The following TNFRSF19 variants were observed in gnomAD, a reference collection of about 807,000 sequenced individuals.
The protein encoded by TNFRSF19 is tumor necrosis factor receptor superfamily member 19.
TNFRSF19 carries 27 observed loss-of-function variants against 46.4 expected under a neutral mutation model. The observed-to-expected ratio is 0.58, with a 90% CI of 0.43 to 0.80. The LOEUF (loss-of-function observed/expected upper bound fraction) is 0.80. TNFRSF19 is among the 30% of genes least tolerant of loss of function. The pLI is 0.00. For synonymous variants in TNFRSF19, 204 were observed against 205.0 expected, an observed-to-expected ratio of 1.00 and a Z score of 0.04; for missense variants, 511 against 530.8, an observed-to-expected ratio of 0.96 and a Z score of 0.37.
At chr13:23,611,536 G>A (rs1027395941) in intron 3 of TNFRSF19, among the ~76,000 whole-genome samples, 21 of 152,236 alleles carry the variant, frequency 1.4e-4, no homozygotes, top group African/African-American at 4.1e-4. Context: ...TGGGAAACTG[G>A]GCTCTTGAGG....
At chr13:23,588,253 T>C (rs1390522297) in intron 1 of TNFRSF19, among the ~76,000 whole-genome samples, 1 of 152,128 alleles carries the variant, frequency 6.6e-6, no homozygotes, top group Non-Finnish European at 1.5e-5. Flanking sequence ...GTTGCACAGC[T>C]CATAAGTAGT....
Position 23,673,448 on chromosome 13 carries a change from T to A in TNFRSF19, c.*68T>A, listed in dbSNP as rs1951787178. The A allele has an allele frequency of 6.4e-7, 1 of 1,558,244 alleles. No individual in the cohort carries two copies. The highest frequency in any genetic ancestry group is 2.3e-5 in the East Asian group (1 of 43,224). On this transcript the variant is annotated 3_prime_UTR_variant, in exon 10 of 10. Coordinates refer to ENST00000248484, the MANE Select transcript of TNFRSF19 (RefSeq NM_148957.4). Reference sequence around the variant, plus strand: ...AAAGAGTACTCCTTTGTTAGGCTTATGGACTGAGCAGTCTGGACCTTGCAT... The same window carrying A: ...AAAGAGTACTCCTTTGTTAGGCTTAAGGACTGAGCAGTCTGGACCTTGCAT...
chr13:23,578,500 A>T (rs533812548), intron 1 of TNFRSF19, among the ~76,000 whole-genome samples: 1 of 152,304 alleles, frequency 6.6e-6, no homozygotes, highest in African/African-American at 2.4e-5. Context: ...CATTCAACAA[A>T]TACTGATGGA....
intron 5 of TNFRSF19, among the ~76,000 whole-genome samples, chr13:23,649,247 C>T (rs1465131713): frequency 3.9e-5 from 6 of 152,134 alleles, no homozygotes; most frequent in Admixed American, 6.6e-5. Flanking sequence ...GATTCAATCT[C>T]TTCGGTTATA....
intron 5 of TNFRSF19, among the ~76,000 whole-genome samples, chr13:23,644,760 G>A (rs1177865391): frequency 6.6e-6 from 1 of 152,186 alleles, no homozygotes; most frequent in African/African-American, 2.4e-5. Context: ...AACACAGACG[G>A]TAGGAAATAG....
At chr13:23,596,288 A>G (rs1879717209) in intron 3 of TNFRSF19, among the ~76,000 whole-genome samples, 1 of 151,934 alleles carries the variant, frequency 6.6e-6, no homozygotes, top group Admixed American at 6.6e-5. Context: ...GGCTAAATAC[A>G]CCAATTAGAC....
intron 5 of TNFRSF19, among the ~76,000 whole-genome samples, chr13:23,637,064 C>T (rs1395802925): frequency 6.6e-6 from 1 of 151,904 alleles, no homozygotes; most frequent in Admixed American, 6.6e-5. Context: ...TTCCTAAACC[C>T]AAGTGAAACA....
At chr13:23,655,738 GC>G (rs11335098) in intron 5 of TNFRSF19, among the ~76,000 whole-genome samples, 132,919 of 150,032 alleles carry the variant, frequency 0.89, 59,494 homozygotes, top group South Asian at 0.98. Flanking sequence ...GTATAAATCT[GC>G]CCCCCCCCCT....
At chr13:23,613,944 GCT>G (rs562498134) in intron 3 of TNFRSF19, among the ~76,000 whole-genome samples, 66 of 152,330 alleles carry the variant, frequency 4.3e-4, no homozygotes, top group African/African-American at 1.3e-3. Context: ...AGTAATGGAT[GCT>G]TTTTGCAAAA....
At chr13:23,670,713 C>T (rs1951747713) in intron 9 of TNFRSF19, among the ~76,000 whole-genome samples, 1 of 152,192 alleles carries the variant, frequency 6.6e-6, no homozygotes, top group African/African-American at 2.4e-5. Flanking sequence ...TCCTTCAAAG[C>T]AGAGAGCGTC....
chr13:23,604,662 C>T (rs904401033), intron 3 of TNFRSF19, among the ~76,000 whole-genome samples: 4 of 152,120 alleles, frequency 2.6e-5, no homozygotes, highest in African/African-American at 9.7e-5. Flanking sequence ...ACAAACCAAT[C>T]AGTGGAACAG....
intron 5 of TNFRSF19, among the ~76,000 whole-genome samples, chr13:23,628,653 A>G (rs1424956767): frequency 2.0e-5 from 3 of 152,186 alleles, no homozygotes; most frequent in Non-Finnish European, 4.4e-5. Flanking sequence ...AAGCTCAGAT[A>G]TCACAAATTT....
chr13:23,638,898 G>A (rs765715745), intron 5 of TNFRSF19, among the ~76,000 whole-genome samples: 4 of 152,102 alleles, frequency 2.6e-5, no homozygotes, highest in Non-Finnish European at 4.4e-5. Context: ...CAACATTTCT[G>A]CTGGTCTGTT....
chr13:23,628,148 G>C lies in TNFRSF19; in HGVS notation c.445+1356G>C, dbSNP rs76822804. 7.4e-3 allele frequency among the ~76,000 whole-genome samples: 1,127 copies of C among 152,296 alleles called. 9 individuals carry two copies. The highest frequency in any genetic ancestry group is 0.025 in the African/African-American group (1,055 of 41,554). ...AGTCCAGAGAGGTGAATCCTGTTCT[G>C]TTGTTGGCTGCTAAGTCCCAGAGAC... On this transcript the variant is annotated intron_variant, in intron 5 of 9. Coordinates refer to ENST00000248484, the MANE Select transcript of TNFRSF19 (RefSeq NM_148957.4).
At chr13:23,587,072 A>G (rs1316261236) in intron 1 of TNFRSF19, among the ~76,000 whole-genome samples, 1 of 152,112 alleles carries the variant, frequency 6.6e-6, no homozygotes, top group Non-Finnish European at 1.5e-5. Context: ...ACATAATCTC[A>G]GTTATTTGTA....
At chr13:23,667,133 ATATATATG>A (rs772031480) in intron 7 of TNFRSF19, among the ~76,000 whole-genome samples, 69 of 88,160 alleles carry the variant, frequency 7.8e-4, no homozygotes, top group Non-Finnish European at 1.2e-3. Flanking sequence ...ATATATATAT[ATATATATG>A]TATGTATAGA....
rs145078313 is a variant in TNFRSF19 at position 23,672,761 on chromosome 13, G to A, written c.1246-611G>A. ...CACTTGTCCCCTTCCCGGCATTGAC[G>A]TCAGTGCCCTTTGTGATGAGGACAC... On this transcript the variant is annotated intron_variant, in intron 9 of 9. Coordinates refer to ENST00000248484, the MANE Select transcript of TNFRSF19 (RefSeq NM_148957.4). Among the ~76,000 whole-genome samples the A allele has an allele frequency of 3.0e-3, 458 of 152,264 alleles. 2 individuals are homozygous for A. The highest frequency in any genetic ancestry group is 6.8e-3 in the Middle Eastern group (2 of 294).
rs572264889 is a variant in TNFRSF19, at chr13:23,655,271, A to T, written c.446-3779A>T. Among the ~76,000 whole-genome samples the T allele has an allele frequency of 6.6e-5, 10 of 152,316 alleles. No individual in the cohort carries two copies. The South Asian group carries it at 8.3e-4, about 13-fold the overall frequency. ...TCAGTTGAGTTGAACTCCTAAGGAG[A>T]TGCATAATATAAAAGTGAACCCATG... On this transcript the variant is annotated intron_variant, in intron 5 of 9. Coordinates refer to ENST00000248484, the MANE Select transcript of TNFRSF19 (RefSeq NM_148957.4).
intron 3 of TNFRSF19, among the ~76,000 whole-genome samples, chr13:23,596,578 C>T (rs892790904): frequency 3.3e-5 from 5 of 152,272 alleles, no homozygotes; most frequent in East Asian, 1.9e-4. Context: ...GCACCCAATA[C>T]AGGAGCACCC....
Sources: allele counts gnomAD v4.1 joint callset (sites outside exome capture counted in the v4.1 genomes callset), GRCh38; gene constraint gnomAD v4.1.1; transcripts MANE v1.5; gene names NCBI Gene and HGNC (gene_info 2026-07-23, HGNC 2026-07-21).